Variants in SOX5 observed in about 807,000 individuals in gnomAD.
The protein encoded by SOX5 is SRY-box transcription factor 5.
A neutral mutation model predicts 92.0 loss-of-function variants in SOX5; 9 were observed. The ratio of observed to expected loss-of-function variants is 0.10; its 90% CI spans 0.06 to 0.17. The LOEUF (loss-of-function observed/expected upper bound fraction) is 0.17. SOX5 is among the 10% of genes least tolerant of loss of function. The pLI, the probability that SOX5 is intolerant of heterozygous loss-of-function variation, is 1.00. For missense variants in SOX5, 642 were observed against 944.5 expected (o/e 0.68, Z 4.20); for synonymous variants, 344 against 336.3 (o/e 1.02, Z -0.25).
At chr12:24,495,644 T>C (rs1312869985) in intron 1 of SOX5, among the ~76,000 whole-genome samples, 1 of 152,208 alleles carries the variant, frequency 6.6e-6, no homozygotes, top group African/African-American at 2.4e-5. Context: ...CCATTTCTGG[T>C]TTAGGTTCAA....
intron 1 of SOX5, among the ~76,000 whole-genome samples, chr12:24,492,613 T>G (rs957378030): frequency 3.9e-5 from 6 of 152,184 alleles, no homozygotes; most frequent in African/African-American, 1.4e-4. Context: ...AAACAGAGAC[T>G]TGGGGTTATA....
chr12:24,408,785 T>G (rs2136747979), intron 1 of SOX5, among the ~76,000 whole-genome samples: 1 of 152,302 alleles, frequency 6.6e-6, no homozygotes, highest in East Asian at 1.9e-4. Context: ...TTCACACCGA[T>G]TAATAATTTG....
At chr12:24,034,693 A>G (rs781087526) in intron 4 of SOX5, among the ~76,000 whole-genome samples, 12 of 151,954 alleles carry the variant, frequency 7.9e-5, no homozygotes, top group Non-Finnish European at 1.5e-4. Context: ...TCTGAATAAT[A>G]AAGAATTGTT....
chr12:24,229,070 G>A (rs982949465), intron 3 of SOX5, among the ~76,000 whole-genome samples: 2 of 152,180 alleles, frequency 1.3e-5, no homozygotes, highest in African/African-American at 4.8e-5. Context: ...TGGCAGACAG[G>A]AGAACGCCCC....
chr12:23,660,496 A>G (rs1454703377), intron 7 of SOX5, among the ~76,000 whole-genome samples: 1 of 152,230 alleles, frequency 6.6e-6, no homozygotes, highest in African/African-American at 2.4e-5. Context: ...GCAGTTGCCT[A>G]TTTGAGATTG....
rs1441811676 is a variant in SOX5 at position 24,095,126 on chromosome 12, CACAGAGAG to C, written c.-2+118209_-2+118216del. Among the ~76,000 whole-genome samples the C allele has an allele frequency of 7.8e-3, 704 of 90,176 alleles. 3 individuals carry two copies. Among genetic ancestry groups the C allele is most frequent in the Middle Eastern group, 0.016 (2 of 128 alleles). 59.2% of individuals were successfully genotyped at this position (90,176 alleles called of 152,430 possible). A position where few individuals can be genotyped will look rare whatever the true frequency, so the allele number is the denominator to read the frequency against. ...ACACACACACACACACACACACACA[CACAGAGAG>C]AGAGAGAGAGAGAGAGAGAGAGACA... On this transcript the variant is annotated intron_variant, in intron 4 of 4. Transcript: ENST00000446891.
intron 14 of SOX5, among the ~76,000 whole-genome samples, chr12:23,535,723 TTA>T (rs1940253030): frequency 6.6e-6 from 1 of 152,216 alleles, no homozygotes; most frequent in Admixed American, 6.5e-5. Context: ...TGGAAAGGTT[TTA>T]TGAGTCCTTC....
intron 4 of SOX5, among the ~76,000 whole-genome samples, chr12:24,110,219 C>G (rs571371363): frequency 1.7e-4 from 26 of 152,264 alleles, no homozygotes; most frequent in African/African-American, 5.8e-4. Context: ...TTGCCAACAC[C>G]AATAAAGCTT....
intron 12 of SOX5, among the ~76,000 whole-genome samples, chr12:23,543,730 T>A (rs1391458522): frequency 6.6e-6 from 1 of 152,218 alleles, no homozygotes; most frequent in Non-Finnish European, 1.5e-5. Context: ...ATACCAGTAG[T>A]GTAGAAACAT....
rs140402545 is a variant in SOX5, at chr12:23,870,880, T to C, written c.271-24687A>G. Among the ~76,000 whole-genome samples the C allele has an allele frequency of 5.4e-3, 819 of 152,258 alleles. 4 individuals are homozygous for C. The highest frequency in any genetic ancestry group is 8.6e-3 in the Non-Finnish European group (582 of 67,986). On this transcript the variant is annotated intron_variant, in intron 2 of 14. Coordinates refer to ENST00000451604, the MANE Select transcript of SOX5 (RefSeq NM_006940.6). ...TATGATGTAGTTTTTTTTCTTCTTC[T>C]TCAATAGTTCTGCATAAATGAGACA...
intron 4 of SOX5, among the ~76,000 whole-genome samples, chr12:24,027,163 C>T (rs1954977129): frequency 6.6e-6 from 1 of 152,022 alleles, no homozygotes; most frequent in South Asian, 2.1e-4. Flanking sequence ...TCCACCTTAG[C>T]TTCTGAGATT....
At chr12:23,807,912 C>G (rs1041641551) in intron 3 of SOX5, among the ~76,000 whole-genome samples, 1 of 151,884 alleles carries the variant, frequency 6.6e-6, no homozygotes, top group South Asian at 2.1e-4. Context: ...CCTCACAAAG[C>G]GTTGGGATTA....
At chr12:24,118,383 ATC>A (rs1384689518) in intron 4 of SOX5, among the ~76,000 whole-genome samples, 4 of 152,196 alleles carry the variant, frequency 2.6e-5, no homozygotes, top group African/African-American at 9.7e-5. Flanking sequence ...CACAATTATT[ATC>A]TGTCAATTAA....
At chr12:24,286,914 A>G (rs1008492228) in intron 2 of SOX5, among the ~76,000 whole-genome samples, 1 of 152,132 alleles carries the variant, frequency 6.6e-6, no homozygotes, top group Non-Finnish European at 1.5e-5. Flanking sequence ...TCATTGGTAA[A>G]TTTATTCCAG....
chr12:24,439,986 T>C (rs557772652), intron 1 of SOX5, among the ~76,000 whole-genome samples: 111 of 152,340 alleles, frequency 7.3e-4, no homozygotes, highest in African/African-American at 2.6e-3. Context: ...ATATACTACC[T>C]GCTCAATAAA....
chr12:23,787,037 A>G (rs1278124363), intron 3 of SOX5, among the ~76,000 whole-genome samples: 1 of 142,926 alleles, frequency 7.0e-6, no homozygotes, highest in African/African-American at 2.6e-5. Context: ...TTTCTTCCAT[A>G]AGCACTCTGC....
chr12:23,963,225 T>G (rs960252952), intron 4 of SOX5, among the ~76,000 whole-genome samples: 2 of 152,174 alleles, frequency 1.3e-5, no homozygotes, highest in Non-Finnish European at 2.9e-5. Context: ...TTAACCCAGT[T>G]GGCAAATAGG....
chr12:23,907,206 G>T (rs1382634944), intron 1 of SOX5, among the ~76,000 whole-genome samples: 1 of 152,050 alleles, frequency 6.6e-6, no homozygotes, highest in Non-Finnish European at 1.5e-5. Context: ...ACACGTGCGT[G>T]CAGAGAGAGA....
chr12:24,537,341 T>C (rs1230546288), intron 1 of SOX5, among the ~76,000 whole-genome samples: 1 of 152,202 alleles, frequency 6.6e-6, no homozygotes, highest in East Asian at 1.9e-4. Flanking sequence ...AGTTTTTAGC[T>C]GAGTATCTAA....
Sources: gnomAD v4.1 joint callset for allele counts (sites outside exome capture counted in the v4.1 genomes callset) on GRCh38, gnomAD v4.1.1 for gene constraint, MANE v1.5 for transcripts, NCBI Gene and HGNC (gene_info 2026-07-23, HGNC 2026-07-21) for gene names.